Variants in FHIT observed in about 807,000 individuals in gnomAD.
The protein encoded by FHIT is fragile histidine triad diadenosine triphosphatase.
FHIT carries 19 observed loss-of-function variants against 17.9 expected under a neutral mutation model. The observed-to-expected ratio is 1.06, with a 90% CI of 0.74 to 1.56. The LOEUF (loss-of-function observed/expected upper bound fraction) is 1.56, where lower values mean the gene tolerates loss of function less well. Ranked by LOEUF, FHIT falls within the 40% of genes most tolerant of loss-of-function variation. The probability of loss-of-function intolerance (pLI) is 0.00; values close to 1 mark genes in which losing one functional copy is unlikely to be tolerated. For synonymous variants in FHIT, 81 were observed against 69.7 expected (o/e 1.16, Z -0.81); for missense variants, 248 against 189.2 (o/e 1.31, Z -1.82).
intron 4 of FHIT, among the ~76,000 whole-genome samples, chr3:60,753,425 G>A (rs2042508900): frequency 6.6e-6 from 1 of 152,156 alleles, no homozygotes; most frequent in Non-Finnish European, 1.5e-5. Flanking sequence ...GCAGAGCAGA[G>A]GGCGGATCCA....
chr3:60,350,970 G>T (rs563487594), intron 5 of FHIT, among the ~76,000 whole-genome samples: 2 of 152,114 alleles, frequency 1.3e-5, no homozygotes, highest in Non-Finnish European at 2.9e-5. Flanking sequence ...ACAAAGAAAC[G>T]AAGTCTGTCA....
chr3:60,250,020 T>C (rs911767366), intron 5 of FHIT, among the ~76,000 whole-genome samples: 2 of 152,014 alleles, frequency 1.3e-5, no homozygotes, highest in African/African-American at 4.8e-5. Context: ...GATTTAATTA[T>C]CTCCACCTGT....
chr3:59,866,505 C>T (rs1272986178), intron 8 of FHIT, among the ~76,000 whole-genome samples: 1 of 152,152 alleles, frequency 6.6e-6, no homozygotes, highest in Admixed American at 6.5e-5. Flanking sequence ...TTGCGGAGTT[C>T]TTCCACACAG....
chr3:61,126,638 A>G (rs748567392), intron 2 of FHIT, among the ~76,000 whole-genome samples: 13 of 152,206 alleles, frequency 8.5e-5, no homozygotes, highest in Non-Finnish European at 1.6e-4. Flanking sequence ...AAGGATTACA[A>G]TTCAAGATCA....
intron 3 of FHIT, among the ~76,000 whole-genome samples, chr3:60,950,267 G>C (rs1708818716): frequency 6.6e-6 from 1 of 152,118 alleles, no homozygotes; most frequent in Non-Finnish European, 1.5e-5. Flanking sequence ...AAAAAGATTT[G>C]TGGTACTATT....
intron 2 of FHIT, among the ~76,000 whole-genome samples, chr3:61,083,477 C>A (rs2035209800): frequency 6.6e-6 from 1 of 152,180 alleles, no homozygotes. Flanking sequence ...GTAGTCCCAG[C>A]TACTCGGGAG....
chr3:60,238,924 C>A (rs1055944265), intron 5 of FHIT, among the ~76,000 whole-genome samples: 10 of 152,102 alleles, frequency 6.6e-5, no homozygotes, highest in African/African-American at 1.7e-4. Context: ...TTATGATAAT[C>A]CTGCAAAGAA....
chr3:60,794,363 GGGAA>G, intron 4 of FHIT, among the ~76,000 whole-genome samples: 1 of 147,792 alleles, frequency 6.8e-6, no homozygotes, highest in African/African-American at 2.6e-5. Flanking sequence ...GAGGAAGGAA[GGGAA>G]GGAAAAATGG....
intron 5 of FHIT, among the ~76,000 whole-genome samples, chr3:60,418,374 GTGTATA>G (rs1335487004): frequency 1.7e-3 from 4 of 2,358 alleles, no homozygotes; most frequent in African/African-American, 2.1e-3. Flanking sequence ...ATCTGAATGT[GTGTATA>G]TATATATATA....
chr3:60,558,050 G>C (rs1485674641), intron 4 of FHIT, among the ~76,000 whole-genome samples: 1 of 151,982 alleles, frequency 6.6e-6, no homozygotes, highest in Non-Finnish European at 1.5e-5. Context: ...ATCTTGTTTA[G>C]AAGACCCCTA....
Position 61,246,504 on chromosome 3 carries a change from C to T in FHIT, c.-213+4797G>A, listed in dbSNP as rs2040489587. ...CCATTTAAGGCCATTAAACAATTTC[C>T]CAAATGCCCTCGGAATAAGGTCGAA... is the stretch of plus-strand genomic sequence containing the variant. On this transcript the variant is annotated intron_variant, in intron 1 of 9. Transcript: ENST00000492590. Among the ~76,000 whole-genome samples, 3 of 152,140 alleles carry T rather than the reference C, an allele frequency of 2.0e-5. 1 individual carries two copies. The South Asian group carries it at 6.2e-4, about 31-fold the overall frequency.
intron 2 of FHIT, among the ~76,000 whole-genome samples, chr3:61,155,584 A>G (rs1278247970): frequency 6.6e-6 from 1 of 152,144 alleles, no homozygotes; most frequent in Admixed American, 6.5e-5. Context: ...TGCTTCATTC[A>G]TCTTCTCCTT....
chr3:60,569,760 T>A (rs1266150764), intron 4 of FHIT, among the ~76,000 whole-genome samples: 27 of 134,634 alleles, frequency 2.0e-4, no homozygotes, highest in African/African-American at 7.2e-4. Flanking sequence ...TATATATTTT[T>A]TTTTTTTTTA....
intron 4 of FHIT, among the ~76,000 whole-genome samples, chr3:60,668,535 C>G (rs2040434033): frequency 6.8e-6 from 1 of 147,390 alleles, no homozygotes; most frequent in Non-Finnish European, 1.5e-5. Context: ...TCCTCCAGGC[C>G]TAGGGAGGCC....
At chr3:59,959,792 G>A (rs1387780087) in intron 7 of FHIT, among the ~76,000 whole-genome samples, 1 of 152,138 alleles carries the variant, frequency 6.6e-6, no homozygotes, top group African/African-American at 2.4e-5. Flanking sequence ...GGAAAGTAAT[G>A]GGAGCCTATG....
At chr3:60,485,527 A>C (rs2033799925) in intron 5 of FHIT, among the ~76,000 whole-genome samples, 2 of 152,176 alleles carry the variant, frequency 1.3e-5, no homozygotes, top group African/African-American at 4.8e-5. Context: ...GCTGGAAGCC[A>C]TCATCCTCAG....
intron 4 of FHIT, among the ~76,000 whole-genome samples, chr3:60,788,598 C>G (rs1700663595): frequency 1.3e-5 from 2 of 152,048 alleles, no homozygotes; most frequent in South Asian, 4.1e-4. Context: ...AGGGTTGCCA[C>G]AAAGGGAGGT....
intron 4 of FHIT, among the ~76,000 whole-genome samples, chr3:60,630,134 T>C (rs2039400924): frequency 6.6e-6 from 1 of 152,184 alleles, no homozygotes; most frequent in South Asian, 2.1e-4. Flanking sequence ...ACTCTATCAA[T>C]AAAGTATTCC....
chr3:60,242,768 T>G (rs1320937217), intron 5 of FHIT, among the ~76,000 whole-genome samples: 1 of 152,124 alleles, frequency 6.6e-6, no homozygotes, highest in Non-Finnish European at 1.5e-5. Context: ...ATGGTCATAA[T>G]GGCTGAAAAC....
Sources: allele counts gnomAD v4.1 joint callset (sites outside exome capture counted in the v4.1 genomes callset), GRCh38; gene constraint gnomAD v4.1.1; transcripts MANE v1.5; gene names NCBI Gene and HGNC (gene_info 2026-07-23, HGNC 2026-07-21).